The following IL1RAPL1 variants were observed in gnomAD, a reference collection of about 807,000 sequenced individuals.
IL1RAPL1 encodes interleukin-1 receptor accessory protein-like 1.
Under a neutral mutation model 48.4 loss-of-function variants are expected in IL1RAPL1, and 3 were observed. That is an observed-to-expected ratio of 0.06 (90% CI 0.03 to 0.16). The LOEUF (loss-of-function observed/expected upper bound fraction) is 0.16, where lower values mean the gene tolerates loss of function less well. Among genes scored for constraint, IL1RAPL1 ranks in the 10% least tolerant of loss-of-function variants. IL1RAPL1 has a pLI of 1.00. For synonymous variants in IL1RAPL1, 185 were observed against 187.7 expected (o/e 0.99, Z 0.12); for missense variants, 349 against 530.6 (o/e 0.66, Z 3.36).
chrX:28,928,063 C>T (rs971842779), intron 2 of IL1RAPL1, among the ~76,000 whole-genome samples: 1 of 110,719 alleles, frequency 9.0e-6, no homozygotes, highest in African/African-American at 3.3e-5. Context: ...ATAAACAGAC[C>T]TTTTGATTTT....
At chrX:29,437,586 G>A (rs1459581200) in intron 5 of IL1RAPL1, among the ~76,000 whole-genome samples, 2 of 110,368 alleles carry the variant, frequency 1.8e-5, no homozygotes, top group Non-Finnish European at 3.8e-5. Context: ...CATTGAAGAT[G>A]TGTCCCCTAA....
At chrX:28,981,943 A>G (rs1185632736) in intron 2 of IL1RAPL1, among the ~76,000 whole-genome samples, 2 of 111,754 alleles carry the variant, frequency 1.8e-5, no homozygotes, top group Non-Finnish European at 3.8e-5. Flanking sequence ...TTGGGTTTGC[A>G]TCTACCTCCT....
chrX:29,271,904 G>A (rs1211604001), intron 2 of IL1RAPL1, among the ~76,000 whole-genome samples: 1 of 111,289 alleles, frequency 9.0e-6, no homozygotes, highest in Non-Finnish European at 1.9e-5. Context: ...AAGCTCTTTA[G>A]TTTAATTAGG....
chrX:29,237,287 T>A (rs1212963716), intron 2 of IL1RAPL1, among the ~76,000 whole-genome samples: 2 of 111,939 alleles, frequency 1.8e-5, no homozygotes, highest in Non-Finnish European at 3.8e-5. Flanking sequence ...TGCATTTAAG[T>A]TTGTAGATAC....
At chrX:29,474,354 C>T (rs1257248864) in intron 5 of IL1RAPL1, among the ~76,000 whole-genome samples, 3 of 112,223 alleles carry the variant, frequency 2.7e-5, no homozygotes, top group Non-Finnish European at 5.6e-5. Flanking sequence ...CCAACTTCTA[C>T]ACTTACTAGC....
At chrX:28,963,316 A>T (rs925296381) in intron 2 of IL1RAPL1, among the ~76,000 whole-genome samples, 3 of 111,195 alleles carry the variant, frequency 2.7e-5, no homozygotes, top group Non-Finnish European at 3.8e-5. Context: ...GAATATGTTC[A>T]TTTTTGGTTG....
Position 29,034,851 on chromosome X carries a change from C to CT in IL1RAPL1, c.82+245440dup, listed in dbSNP as rs762954379. Among the ~76,000 whole-genome samples, 876 of 99,968 alleles carry CT rather than the reference C, an allele frequency of 8.8e-3. 1 individual carries two copies. The highest frequency in any genetic ancestry group is 0.011 in the Non-Finnish European group (544 of 48,837). 86.8% of individuals were successfully genotyped at this position (99,968 alleles called of 115,157 possible). A position where few individuals can be genotyped will look rare whatever the true frequency, so the allele number is the denominator to read the frequency against. On this transcript the variant is annotated intron_variant, in intron 2 of 10. Transcript: ENST00000378993. ...ATAAATCCATGCAAAGTATTTAATT[C>CT]TTTTTTTTTTTTTTCTTTATTGAGA...
rs1431289289 is a variant in IL1RAPL1, at chrX:28,587,507, ATTCT to A, written c.-559_-556del. The A allele has an allele frequency of 9.1e-6, 1 of 109,573 alleles. No individual in the cohort carries two copies. The highest frequency in any genetic ancestry group is 2.9e-4 in the East Asian group (1 of 3,434). The allele number at this position is 109,573 out of a possible 1,213,427, so 9.0% of individuals were successfully genotyped here. On this transcript the variant is annotated 5_prime_UTR_variant, in exon 1 of 11. Coordinates refer to ENST00000378993, the MANE Select transcript of IL1RAPL1 (RefSeq NM_014271.4). ...GGGATACTTGTGAAATATACATAGG[ATTCT>A]TTCTTATGGCTGCATCCCGGATCTG...
intron 1 of IL1RAPL1, among the ~76,000 whole-genome samples, chrX:28,594,733 A>C (rs1933937573): frequency 8.9e-6 from 1 of 112,062 alleles, no homozygotes; most frequent in African/African-American, 3.2e-5. Flanking sequence ...CCTCTAGCTT[A>C]CTTTACCGAT....
At chrX:29,034,999 T>C (rs2147412395) in intron 2 of IL1RAPL1, among the ~76,000 whole-genome samples, 1 of 110,912 alleles carries the variant, frequency 9.0e-6, no homozygotes, top group African/African-American at 3.3e-5. Flanking sequence ...GGACTACAGG[T>C]GCCTGCCACC....
intron 6 of IL1RAPL1, among the ~76,000 whole-genome samples, chrX:29,889,564 TAG>T (rs770649712): frequency 2.5e-3 from 277 of 111,736 alleles, no homozygotes; most frequent in Middle Eastern, 4.6e-3. Flanking sequence ...ATGAAAAAAA[TAG>T]AGTTACTTGT....
intron 2 of IL1RAPL1, among the ~76,000 whole-genome samples, chrX:29,175,583 A>T (rs1929997807): frequency 9.0e-6 from 1 of 110,578 alleles, no homozygotes; most frequent in Non-Finnish European, 1.9e-5. Flanking sequence ...GTGGTGGCTC[A>T]CACTTGTAAT....
intron 5 of IL1RAPL1, among the ~76,000 whole-genome samples, chrX:29,641,346 A>G (rs1925166179): frequency 8.9e-6 from 1 of 112,737 alleles, no homozygotes; most frequent in African/African-American, 3.2e-5. Flanking sequence ...TCACCTGCGT[A>G]TTCAATGGCC....
intron 2 of IL1RAPL1, among the ~76,000 whole-genome samples, chrX:28,955,382 A>G (rs183272902): frequency 2.7e-5 from 3 of 111,336 alleles, no homozygotes; most frequent in African/African-American, 9.8e-5. Context: ...CACTTCACAC[A>G]TACTAGAGTC....
At chrX:29,526,191 T>C (rs1461415962) in intron 5 of IL1RAPL1, among the ~76,000 whole-genome samples, 1 of 112,070 alleles carries the variant, frequency 8.9e-6, no homozygotes, top group Non-Finnish European at 1.9e-5. Flanking sequence ...TGTTTCAGGA[T>C]GTCTTCATCA....
chrX:28,827,345 CATT>C (rs1937004915), intron 2 of IL1RAPL1, among the ~76,000 whole-genome samples: 1 of 110,968 alleles, frequency 9.0e-6, no homozygotes, highest in South Asian at 3.8e-4. Context: ...TCTTTTTACT[CATT>C]AGTCTAATCA....
At chrX:29,315,720 G>A (rs771235587) in intron 3 of IL1RAPL1, among the ~76,000 whole-genome samples, 3 of 111,646 alleles carry the variant, frequency 2.7e-5, no homozygotes, top group Non-Finnish European at 5.6e-5. Flanking sequence ...TAGCAGCAGT[G>A]AGAGGTTGAA....
chrX:28,998,341 A>G (rs1380503687), intron 2 of IL1RAPL1, among the ~76,000 whole-genome samples: 1 of 111,395 alleles, frequency 9.0e-6, no homozygotes, highest in Admixed American at 9.6e-5. Flanking sequence ...AGGACTGCAA[A>G]GGAGGATTAT....
intron 5 of IL1RAPL1, among the ~76,000 whole-genome samples, chrX:29,519,504 G>A (rs1432049317): frequency 9.0e-6 from 1 of 111,675 alleles, no homozygotes; most frequent in East Asian, 2.8e-4. Context: ...TTTACTTAGA[G>A]CAAGTCGAAA....
Sources: allele counts gnomAD v4.1 joint callset (sites outside exome capture counted in the v4.1 genomes callset), GRCh38; gene constraint gnomAD v4.1.1; transcripts MANE v1.5; gene names NCBI Gene and HGNC (gene_info 2026-07-23, HGNC 2026-07-21).